TTC28: variants seen among roughly 807,000 people sequenced by gnomAD.
The protein encoded by TTC28 is tetratricopeptide repeat protein 28.
Under a neutral mutation model 198.0 loss-of-function variants are expected in TTC28, and 61 were observed. The ratio of observed to expected loss-of-function variants is 0.31; its 90% CI spans 0.25 to 0.38. The LOEUF is 0.38. TTC28 is among the 10% of genes least tolerant of loss of function. The pLI is 1.00. For missense variants in TTC28, 2,678 were observed against 3,164.0 expected, an observed-to-expected ratio of 0.85 and a Z score of 3.69; for synonymous variants, 1,171 against 1,297.8, an observed-to-expected ratio of 0.90 and a Z score of 2.10.
Position 28,105,666 on chromosome 22 carries a change from C to G in TTC28, c.2920G>C (p.Glu974Gln). Residue 974 changes from glutamate (E) to glutamine (Q), a missense_variant, in exon 8 of 23, where the codon GAA (glutamate) becomes CAA (glutamine). Glu to Gln is a conservative substitution (Grantham distance 29, BLOSUM62 2). Transcript: ENST00000397906. Reference protein sequence around the residue: ...GSLHSQLGNYEQAISCLERQL... With the variant: ...GSLHSQLGNYQQAISCLERQL... Reference sequence around the variant, plus strand: ...CGTTCAAGGCAGGAAATGGCTTGTTCGTAATTCCCTAATTGGCTGTGCAGA... The same window carrying G: ...CGTTCAAGGCAGGAAATGGCTTGTTGGTAATTCCCTAATTGGCTGTGCAGA... 6.4e-7 allele frequency: 1 copy of G among 1,551,868 alleles called. No individual in the cohort carries two copies. Among genetic ancestry groups the G allele is most frequent in the South Asian group, 1.2e-5 (1 of 84,058 alleles).
At chr22:28,221,365 C>A (rs1302682334) in intron 5 of TTC28, among the ~76,000 whole-genome samples, 1 of 152,128 alleles carries the variant, frequency 6.6e-6, no homozygotes, top group Non-Finnish European at 1.5e-5. Context: ...AAGACTAATT[C>A]TAAATTCCAA....
chr22:28,443,170 C>G (rs566955037), intron 2 of TTC28: 1 of 152,228 alleles, frequency 6.6e-6, no homozygotes, highest in African/African-American at 2.4e-5. Flanking sequence ...CAGAGCGGGG[C>G]ATTTTCCCGG....
Position 27,981,520 on chromosome 22 carries a change from A to ATAAT in TTC28, c.*697_*700dup, listed in dbSNP as rs1295860522. The ATAAT allele has an allele frequency of 2.0e-5, 3 of 152,040 alleles. No individual in the cohort carries two copies. The highest frequency in any genetic ancestry group is 4.8e-5 in the African/African-American group (2 of 41,402). The allele number at this position is 152,040 out of a possible 1,614,324, so 9.4% of individuals were successfully genotyped here. On this transcript the variant is annotated 3_prime_UTR_variant, in exon 23 of 23. Coordinates refer to ENST00000397906, the MANE Select transcript of TTC28 (RefSeq NM_001145418.2). ...TCTAAAATGCCTGGATAAGAGTTAC[A>ATAAT]TAATTTTTTTTTTAAGAAAATTCAA...
At chr22:28,027,752 G>C (rs748762995) in intron 13 of TTC28, among the ~76,000 whole-genome samples, 1 of 152,256 alleles carries the variant, frequency 6.6e-6, no homozygotes. Context: ...TCTTAGCCCA[G>C]ATCCCTGGCC....
In TTC28 at chr22:28,093,661, T is replaced by A. The variant is rs551646611; in HGVS notation, c.3932+419A>T. On this transcript the variant is annotated intron_variant, in intron 12 of 22. Coordinates refer to ENST00000397906, the MANE Select transcript of TTC28 (RefSeq NM_001145418.2). ...CTCACCCCTCAGGCTCACAGATCTG[T>A]GCACATATCCTGTCACTGGTACTAA... Among the ~76,000 whole-genome samples the A allele has an allele frequency of 2.6e-5, 4 of 152,314 alleles. No homozygotes were observed. The South Asian group carries it at 8.3e-4, about 32-fold the overall frequency.
chr22:28,432,441 T>C (rs1030693291), intron 2 of TTC28, among the ~76,000 whole-genome samples: 4 of 152,170 alleles, frequency 2.6e-5, no homozygotes, highest in African/African-American at 9.6e-5. Flanking sequence ...TGCAAAGATA[T>C]ATTATAGATT....
At chr22:28,040,703 C>T (rs1939594813) in intron 12 of TTC28, among the ~76,000 whole-genome samples, 1 of 152,176 alleles carries the variant, frequency 6.6e-6, no homozygotes, top group African/African-American at 2.4e-5. Flanking sequence ...TGTCACCACT[C>T]CTATTCAACA....
intron 2 of TTC28, among the ~76,000 whole-genome samples, chr22:28,433,491 C>A (rs185303969): frequency 3.3e-5 from 5 of 152,230 alleles, no homozygotes; most frequent in African/African-American, 7.2e-5. Context: ...CCTTAAGGTT[C>A]TTTTTCTTTT....
rs1189248697 is a variant in TTC28 at position 28,197,031 on chromosome 22, A to T, written c.934-33432T>A. Among the ~76,000 whole-genome samples, 22 of 152,194 alleles carry T rather than the reference A, an allele frequency of 1.4e-4. 1 individual carries two copies. The highest frequency in any genetic ancestry group is 3.9e-4 in the East Asian group (2 of 5,174). On this transcript the variant is annotated intron_variant, in intron 5 of 22. Coordinates refer to ENST00000397906, the MANE Select transcript of TTC28 (RefSeq NM_001145418.2). ...GACTTGGAACCAACCCAAATGTCCA[A>T]CAATGATAGACTGGATTAAGAAAAT...
chr22:28,165,948 G>C (rs979248448), intron 5 of TTC28, among the ~76,000 whole-genome samples: 3 of 152,110 alleles, frequency 2.0e-5, no homozygotes, highest in Admixed American at 6.5e-5. Flanking sequence ...CACATGCAGA[G>C]ACACACATAG....
chr22:28,162,822 T>A (rs1358734278), intron 6 of TTC28, among the ~76,000 whole-genome samples: 2 of 152,128 alleles, frequency 1.3e-5, no homozygotes, highest in African/African-American at 4.8e-5. Context: ...TACTGGCGTG[T>A]GCCTGTCGTC....
chr22:28,149,544 T>G (rs1414626994), intron 6 of TTC28, among the ~76,000 whole-genome samples: 6 of 152,200 alleles, frequency 3.9e-5, no homozygotes, highest in African/African-American at 1.4e-4. Context: ...TCTAAAAACT[T>G]GTTAAACTTG....
At chr22:28,543,114 T>G (rs1176600288) in intron 2 of TTC28, among the ~76,000 whole-genome samples, 1 of 152,140 alleles carries the variant, frequency 6.6e-6, no homozygotes, top group Non-Finnish European at 1.5e-5. Context: ...TTGTGAGGAC[T>G]GCTTGAGTCC....
rs762381462 is a variant in TTC28, at chr22:27,990,022, A to C, written c.5578-15T>G. The C allele has an allele frequency of 3.9e-6, 6 of 1,548,040 alleles. No homozygotes were observed. The highest frequency in any genetic ancestry group is 8.7e-7 in the Non-Finnish European group (1 of 1,144,750). Reference sequence around the variant, plus strand: ...ACCTGGTGGAGCTGAGGAAGGGGGGACAGCGTGAGCACCCTGTGTCTCCTT... The same window carrying C: ...ACCTGGTGGAGCTGAGGAAGGGGGGCCAGCGTGAGCACCCTGTGTCTCCTT... On this transcript the variant is annotated splice_polypyrimidine_tract_variant and intron_variant, in intron 20 of 22. Coordinates refer to ENST00000397906, the MANE Select transcript of TTC28 (RefSeq NM_001145418.2).
chr22:28,482,207 C>CTTTTTTTTTT (rs36011379), intron 2 of TTC28, among the ~76,000 whole-genome samples: 1 of 66,938 alleles, frequency 1.5e-5, no homozygotes. Flanking sequence ...AATGGGCAGT[C>CTTTTTTTTTT]TTTTTTTTTT....
intron 17 of TTC28, 109 bp from the exon 18 acceptor site, chr22:27,993,627 AC>A: frequency 8.8e-7 from 1 of 1,141,168 alleles, no homozygotes; most frequent in Non-Finnish European, 1.2e-6. Flanking sequence ...GACTGCTGCA[AC>A]CCCACATAGC....
At chr22:28,313,587 C>T (rs1298255446) in intron 2 of TTC28, among the ~76,000 whole-genome samples, 1 of 152,142 alleles carries the variant, frequency 6.6e-6, no homozygotes, top group Non-Finnish European at 1.5e-5. Context: ...TAATCCATCA[C>T]ATAAACAGAA....
intron 5 of TTC28, 88 bp downstream of exon 5, chr22:28,296,110 C>A: frequency 1.5e-6 from 2 of 1,345,678 alleles, no homozygotes; most frequent in Non-Finnish European, 2.0e-6. Flanking sequence ...TTTTAAGATA[C>A]CTGAAACAGT....
intron 2 of TTC28, among the ~76,000 whole-genome samples, chr22:28,394,019 C>T (rs2046775291): frequency 6.6e-6 from 1 of 152,082 alleles, no homozygotes; most frequent in Non-Finnish European, 1.5e-5. Context: ...GACTACAGGT[C>T]CCACCACGCC....
Sources: allele counts gnomAD v4.1 joint callset (sites outside exome capture counted in the v4.1 genomes callset), GRCh38; gene constraint gnomAD v4.1.1; transcripts MANE v1.5; gene names NCBI Gene and HGNC (gene_info 2026-07-23, HGNC 2026-07-21).